Variants in DMD observed in about 807,000 individuals in gnomAD.
DMD encodes the protein dystrophin.
A neutral mutation model predicts 330.1 loss-of-function variants in DMD; 63 were observed. That is an observed-to-expected ratio of 0.19 (90% CI 0.16 to 0.24). DMD has a LOEUF of 0.24. Among genes scored for constraint, DMD ranks in the 10% least tolerant of loss-of-function variants. DMD has a pLI of 1.00. For missense variants in DMD, 3,344 were observed against 2,684.1 expected, an observed-to-expected ratio of 1.25 and a Z score of -5.43; for synonymous variants, 1,223 against 959.8, an observed-to-expected ratio of 1.27 and a Z score of -5.07.
intron 44 of DMD, among the ~76,000 whole-genome samples, chrX:32,032,141 T>G (rs1246316717): frequency 1.8e-5 from 2 of 111,592 alleles, no homozygotes; most frequent in Admixed American, 9.5e-5. Flanking sequence ...TTTATACAAC[T>G]AAAATAAAAT....
At chrX:32,358,284 CT>C (rs2097814337) in intron 37 of DMD, among the ~76,000 whole-genome samples, 2 of 110,799 alleles carry the variant, frequency 1.8e-5, no homozygotes, top group South Asian at 7.8e-4. Flanking sequence ...TTATTTTTGT[CT>C]TCCCATGCCC....
At chrX:32,196,985 T>C (rs867322600) in intron 44 of DMD, among the ~76,000 whole-genome samples, 1 of 3,222 alleles carries the variant, frequency 3.1e-4, no homozygotes, top group Non-Finnish European at 5.3e-4. Flanking sequence ...AGACTCCATC[T>C]CAAAAAAAAA....
At chrX:32,522,028 A>G (rs193194223) in intron 17 of DMD, among the ~76,000 whole-genome samples, 5 of 111,968 alleles carry the variant, frequency 4.5e-5, no homozygotes, top group African/African-American at 1.6e-4. Flanking sequence ...TCTGCTAGTT[A>G]CTTGATATTA....
At chrX:32,553,907 G>A (rs765031724) in intron 16 of DMD, among the ~76,000 whole-genome samples, 1 of 111,610 alleles carries the variant, frequency 9.0e-6, no homozygotes, top group Admixed American at 9.5e-5. Flanking sequence ...ACCCTTGCCA[G>A]ATCGTGGCCA....
In DMD at chrX:32,565,775, G is replaced by A. The variant is rs183677010; in HGVS notation, c.1919C>T (p.Thr640Met). Reference sequence around the variant, plus strand: ...GGCAAAGTTATCCAGCCATGCTTCCGTCTTCTGGGTCACTGACTTATTCTT... The same window carrying A: ...GGCAAAGTTATCCAGCCATGCTTCCATCTTCTGGGTCACTGACTTATTCTT... ...TLKNKSVTQK[T>M]EAWLDNFARC... The change falls in exon 16 of 79, where the codon ACG becomes ATG. Residue 640 changes from threonine (T) to methionine (M), a missense_variant. Thr to Met is a moderately conservative substitution (Grantham distance 81). Transcript: ENST00000357033. 2.7e-5 allele frequency: 33 copies of A among 1,209,607 alleles called. No individual in the cohort carries two copies. The highest frequency in any genetic ancestry group is 6.6e-5 in the Admixed American group (3 of 45,681).
intron 17 of DMD, among the ~76,000 whole-genome samples, chrX:32,526,814 T>C (rs1212772361): frequency 8.9e-6 from 1 of 112,560 alleles, no homozygotes; most frequent in Non-Finnish European, 1.9e-5. Context: ...ATAACTGTGC[T>C]AATTATGTCA....
chrX:32,085,898 A>G (rs1356888631), intron 44 of DMD, among the ~76,000 whole-genome samples: 1 of 111,251 alleles, frequency 9.0e-6, no homozygotes, highest in Non-Finnish European at 1.9e-5. Flanking sequence ...GTAAATTCTT[A>G]TACCAAAAGA....
intron 2 of DMD, among the ~76,000 whole-genome samples, chrX:32,917,575 A>G (rs1385952911): frequency 8.9e-6 from 1 of 111,750 alleles, no homozygotes; most frequent in African/African-American, 3.3e-5. Flanking sequence ...CTGAATTTCA[A>G]AATCTCCGCT....
At position 31,943,878 on chromosome X, in the gene DMD, TGAGAGAGAGAGAGAGA is replaced by T. The variant is rs536982335; in HGVS notation, c.6615-11667_6615-11652del. ...CGGAAACCCGAAGTTCCCCAGAGAG[TGAGAGAGAGAGAGAGA>T]GAGAGAGAGAGAGAGAGAGAGAGAG... On this transcript the variant is annotated intron_variant, in intron 45 of 78. Coordinates refer to ENST00000357033, the MANE Select transcript of DMD (RefSeq NM_004006.3). 8.2e-4 allele frequency among the ~76,000 whole-genome samples: 61 copies of T among 74,486 alleles called. 1 individual carries two copies. The South Asian group carries it at 0.02, about 25-fold the overall frequency. 64.7% of individuals were successfully genotyped at this position (74,486 alleles called of 115,157 possible). A position where few individuals can be genotyped will look rare whatever the true frequency, so the allele number is the denominator to read the frequency against.
chrX:32,293,479 AG>A (rs1390230486), intron 42 of DMD, among the ~76,000 whole-genome samples: 2 of 111,302 alleles, frequency 1.8e-5, no homozygotes, highest in Non-Finnish European at 3.8e-5. Context: ...AGGAGGGAAA[AG>A]TCAGCTCGGG....
intron 47 of DMD, among the ~76,000 whole-genome samples, chrX:31,879,213 G>GGA (rs369224644): frequency 1.1e-5 from 1 of 94,591 alleles, no homozygotes; most frequent in Admixed American, 1.1e-4. Context: ...ACATGGCGGG[G>GGA]GGGGGCCTCA....
At chrX:31,878,561 G>C (rs754027140) in intron 47 of DMD, among the ~76,000 whole-genome samples, 1 of 111,797 alleles carries the variant, frequency 8.9e-6, no homozygotes, top group South Asian at 3.7e-4. Context: ...ACGACCAAAA[G>C]AGCCATAGGC....
At chrX:32,401,779 T>A (rs1327864183) in intron 30 of DMD, among the ~76,000 whole-genome samples, 2 of 112,874 alleles carry the variant, frequency 1.8e-5, no homozygotes, top group Admixed American at 9.4e-5. Flanking sequence ...TTTACCCTGA[T>A]TTGATTGCTA....
intron 44 of DMD, among the ~76,000 whole-genome samples, chrX:31,987,780 A>AGG (rs780931596): frequency 8.9e-6 from 1 of 111,881 alleles, no homozygotes; most frequent in Non-Finnish European, 1.9e-5. Context: ...GACGGTATGG[A>AGG]GGTTCCTCGA....
At chrX:32,726,534 T>A (rs2066901341) in intron 7 of DMD, among the ~76,000 whole-genome samples, 1 of 111,156 alleles carries the variant, frequency 9.0e-6, no homozygotes, top group African/African-American at 3.3e-5. Context: ...CTGGAAAGGG[T>A]AGCTTTTACT....
intron 4 of DMD, among the ~76,000 whole-genome samples, chrX:32,836,824 T>G (rs1399170584): frequency 4.4e-5 from 5 of 112,539 alleles, no homozygotes; most frequent in African/African-American, 1.6e-4. Context: ...TTGTGTGTAT[T>G]TAATGACATT....
At chrX:32,173,882 G>A (rs2096897088) in intron 44 of DMD, among the ~76,000 whole-genome samples, 1 of 111,177 alleles carries the variant, frequency 9.0e-6, no homozygotes, top group African/African-American at 3.3e-5. Flanking sequence ...ACCATAAGAG[G>A]CTATGTGTGA....
intron 1 of DMD, among the ~76,000 whole-genome samples, chrX:33,122,919 A>G (rs1022431569): frequency 2.1e-4 from 23 of 112,141 alleles, no homozygotes; most frequent in Non-Finnish European, 4.3e-4. Flanking sequence ...TCCAGCTTCC[A>G]TTTCAATTCC....
chrX:32,734,589 G>C (rs1269393015), intron 7 of DMD, among the ~76,000 whole-genome samples: 324 of 103,451 alleles, frequency 3.1e-3, no homozygotes, highest in Admixed American at 5.3e-3. Flanking sequence ...CTTCATCCCT[G>C]GGATGCAAGG....
Sources: gnomAD v4.1 joint callset for allele counts (sites outside exome capture counted in the v4.1 genomes callset) on GRCh38, gnomAD v4.1.1 for gene constraint, MANE v1.5 for transcripts, NCBI Gene and HGNC (gene_info 2026-07-23, HGNC 2026-07-21) for gene names.